CEP112: variants seen among roughly 807,000 people sequenced by gnomAD.
CEP112 encodes centrosomal protein 112, also known as centrosomal protein of 112 kDa.
In CEP112, 127 loss-of-function variants were observed where a neutral mutation model predicts 153.0. The ratio of observed to expected loss-of-function variants is 0.83; its 90% CI spans 0.72 to 0.96. The LOEUF is 0.96. CEP112 is among the 40% of genes least tolerant of loss of function. The probability of loss-of-function intolerance (pLI) is 0.00; values close to 1 mark genes in which losing one functional copy is unlikely to be tolerated. For synonymous variants in CEP112, 358 were observed against 374.4 expected, an observed-to-expected ratio of 0.96 and a Z score of 0.51; for missense variants, 1,089 against 1,101.2, an observed-to-expected ratio of 0.99 and a Z score of 0.16.
intron 24 of CEP112, among the ~76,000 whole-genome samples, chr17:65,660,459 TCTCCTTCCTTCCTTCCTTC>T (rs1202620766): frequency 1.9e-5 from 1 of 52,396 alleles, no homozygotes; most frequent in Non-Finnish European, 3.2e-5. Context: ...CTCTTCTCTC[TCTCCTTCCTTCCTTCCTTC>T]CTTCCTTCCT....
intron 4 of CEP112, among the ~76,000 whole-genome samples, chr17:66,159,534 G>C (rs2071603690): frequency 6.6e-6 from 1 of 152,178 alleles, no homozygotes; most frequent in African/African-American, 2.4e-5. Context: ...TGGGATGCAA[G>C]GCTGGTTCAA....
intron 20 of CEP112, among the ~76,000 whole-genome samples, chr17:65,856,038 CAGA>C (rs2146344464): frequency 6.6e-6 from 1 of 152,036 alleles, no homozygotes; most frequent in South Asian, 2.1e-4. Context: ...GCCTGTGTGA[CAGA>C]AGGAGATCTT....
chr17:65,665,630 A>T (rs2046653486), intron 24 of CEP112, among the ~76,000 whole-genome samples: 1 of 152,252 alleles, frequency 6.6e-6, no homozygotes, highest in Non-Finnish European at 1.5e-5. Context: ...GCCAACAATA[A>T]GGGAACAGAG....
chr17:65,656,041 C>T (rs2046045452), intron 24 of CEP112, among the ~76,000 whole-genome samples: 1 of 152,208 alleles, frequency 6.6e-6, no homozygotes, highest in Non-Finnish European at 1.5e-5. Flanking sequence ...ACCCCTCTCC[C>T]ATTCTCTGAC....
chr17:66,112,467 C>T lies in CEP112; in HGVS notation c.643-15835G>A, dbSNP rs143777217. 4.4e-3 allele frequency among the ~76,000 whole-genome samples: 669 copies of T among 151,802 alleles called. 6 individuals are homozygous for T. Among genetic ancestry groups the T allele is most frequent in the African/African-American group, 0.015 (625 of 41,412 alleles). ...AAAAATATAAAGTAATATCACAATG[C>T]GGTGATATTTTACAATTTTATAGAT... On this transcript the variant is annotated intron_variant, in intron 6 of 26. Transcript: ENST00000535342.
At chr17:66,032,548 A>T (rs1461548298) in intron 12 of CEP112, among the ~76,000 whole-genome samples, 1 of 152,152 alleles carries the variant, frequency 6.6e-6, no homozygotes. Context: ...CCAAGATTGC[A>T]ACTCAGCCTT....
At chr17:65,784,403 A>G (rs1295839963) in intron 21 of CEP112, among the ~76,000 whole-genome samples, 2 of 152,334 alleles carry the variant, frequency 1.3e-5, no homozygotes, top group East Asian at 3.9e-4. Context: ...TTTAAACCCA[A>G]AAGAACTATT....
At chr17:65,749,969 A>G (rs2051722004) in intron 22 of CEP112, among the ~76,000 whole-genome samples, 1 of 152,188 alleles carries the variant, frequency 6.6e-6, no homozygotes, top group African/African-American at 2.4e-5. Flanking sequence ...AGTAGTATTT[A>G]TTTGTTCTAG....
At chr17:66,175,258 C>T (rs766467230) in intron 3 of CEP112, 42 bp from the exon 4 acceptor site, 3 of 1,373,838 alleles carry the variant, frequency 2.2e-6, no homozygotes, top group East Asian at 5.4e-5. Flanking sequence ...TCAAAATGTA[C>T]TATAATAAAC....
intron 23 of CEP112, among the ~76,000 whole-genome samples, chr17:65,715,338 T>C (rs760391262): frequency 6.6e-5 from 10 of 151,880 alleles, no homozygotes; most frequent in Non-Finnish European, 1.3e-4. Flanking sequence ...AGTGAGTGAG[T>C]TTGCTAAGAG....
chr17:66,016,543 A>G (rs925001566), intron 16 of CEP112, among the ~76,000 whole-genome samples: 3 of 152,012 alleles, frequency 2.0e-5, no homozygotes, highest in Non-Finnish European at 2.9e-5. Flanking sequence ...CTCTAAAATG[A>G]TATGTTACAC....
At chr17:66,141,342 T>C (rs1168765284) in intron 4 of CEP112, among the ~76,000 whole-genome samples, 6 of 151,062 alleles carry the variant, frequency 4.0e-5, no homozygotes, top group Admixed American at 1.3e-4. Context: ...AAATGTCTAC[T>C]TGAATCATAT....
At chr17:65,748,731 G>A (rs867283644) in intron 22 of CEP112, among the ~76,000 whole-genome samples, 5 of 152,164 alleles carry the variant, frequency 3.3e-5, no homozygotes, top group South Asian at 4.1e-4. Context: ...TCAAGGTCAC[G>A]GAAGTGGTAG....
At chr17:65,745,680 G>A (rs573689465) in intron 22 of CEP112, among the ~76,000 whole-genome samples, 2 of 152,114 alleles carry the variant, frequency 1.3e-5, no homozygotes, top group Non-Finnish European at 2.9e-5. Context: ...GAGAGAGGGT[G>A]CGTGTGTGTG....
chr17:65,742,276 C>T (rs989171378), intron 23 of CEP112, among the ~76,000 whole-genome samples: 29 of 152,086 alleles, frequency 1.9e-4, no homozygotes, highest in Admixed American at 1.9e-3. Context: ...TATGATTACT[C>T]CACACGCTTT....
At chr17:66,170,831 A>G (rs184953033) in intron 4 of CEP112, among the ~76,000 whole-genome samples, 1 of 152,270 alleles carries the variant, frequency 6.6e-6, no homozygotes, top group Non-Finnish European at 1.5e-5. Context: ...CAGATATATA[A>G]TAGCAATGCA....
At chr17:65,835,529 G>A (rs182833076) in intron 21 of CEP112, among the ~76,000 whole-genome samples, 15 of 152,270 alleles carry the variant, frequency 9.9e-5, no homozygotes, top group African/African-American at 3.4e-4. Context: ...AACCCTGAAG[G>A]CCAGAAGAGA....
rs2061257732 is a variant in CEP112 at position 65,934,994 on chromosome 17, C to T, written c.1873-7305G>A. ...TATAAAACCATCAGCTCTCATGAGACTCACCCACTATCAAGAGAACTGCAT... is the reference window on the plus strand; with the variant it reads ...TATAAAACCATCAGCTCTCATGAGATTCACCCACTATCAAGAGAACTGCAT... On this transcript the variant is annotated intron_variant, in intron 18 of 26. Coordinates refer to ENST00000535342, the MANE Select transcript of CEP112 (RefSeq NM_001199165.4). Among the ~76,000 whole-genome samples, 3 of 152,290 alleles carry T rather than the reference C, an allele frequency of 2.0e-5. No individual in the cohort carries two copies. The South Asian group carries it at 6.2e-4, about 32-fold the overall frequency.
At chr17:65,783,093 A>G (rs2054089902) in intron 21 of CEP112, among the ~76,000 whole-genome samples, 1 of 152,206 alleles carries the variant, frequency 6.6e-6, no homozygotes. Flanking sequence ...AAAAAAAAGA[A>G]TAATTCACAT....
Sources: allele counts gnomAD v4.1 joint callset (sites outside exome capture counted in the v4.1 genomes callset), GRCh38; gene constraint gnomAD v4.1.1; transcripts MANE v1.5; gene names NCBI Gene and HGNC (gene_info 2026-07-23, HGNC 2026-07-21).